MAP3K1: variants seen among roughly 807,000 people sequenced by gnomAD.
MAP3K1 encodes the protein MAP/ERK kinase kinase 1.
In MAP3K1, 36 loss-of-function variants were observed where a neutral mutation model predicts 144.2. That is an observed-to-expected ratio of 0.25 (90% CI 0.19 to 0.33). MAP3K1 has a LOEUF of 0.33. Ranked by LOEUF, MAP3K1 falls within the 10% of genes least tolerant of loss-of-function variation. The pLI, the probability that MAP3K1 is intolerant of heterozygous loss-of-function variation, is 1.00. For missense variants in MAP3K1, 1,650 were observed against 1,881.9 expected, an observed-to-expected ratio of 0.88 and a Z score of 2.28; for synonymous variants, 718 against 688.7, an observed-to-expected ratio of 1.04 and a Z score of -0.67.
chr5:56,822,610 G>A (rs1746186516), intron 1 of MAP3K1, among the ~76,000 whole-genome samples: 1 of 152,098 alleles, frequency 6.6e-6, no homozygotes, highest in African/African-American at 2.4e-5. Context: ...GATTCCCAGG[G>A]TGGTCCTAGG....
At chr5:56,819,968 C>T (rs1256975386) in intron 1 of MAP3K1, among the ~76,000 whole-genome samples, 1 of 151,940 alleles carries the variant, frequency 6.6e-6, no homozygotes, top group African/African-American at 2.4e-5. Context: ...TAATCAGGGC[C>T]GGAATTAGTA....
At chr5:56,819,675 T>A (rs73759210) in intron 1 of MAP3K1, among the ~76,000 whole-genome samples, 3,160 of 152,294 alleles carry the variant, frequency 0.021, 109 homozygotes, top group African/African-American at 0.073. Context: ...CAGAAGGCGA[T>A]GGGAAAATGT....
At chr5:56,864,378 C>CTTTT (rs11331657) in intron 3 of MAP3K1, among the ~76,000 whole-genome samples, 1 of 117,268 alleles carries the variant, frequency 8.5e-6, no homozygotes, top group Non-Finnish European at 1.8e-5. Context: ...ATAATAGTTT[C>CTTTT]TTTTTTTTTT....
chr5:56,875,120 G>A lies in MAP3K1; in HGVS notation c.1775G>A (p.Ser592Asn), dbSNP rs771294501. 8.1e-6 allele frequency: 13 copies of A among 1,614,100 alleles called. No individual in the cohort carries two copies. Among genetic ancestry groups the A allele is most frequent in the Middle Eastern group, 1.6e-4 (1 of 6,084 alleles). The stretch of plus-strand genomic sequence containing the variant: ...CTCAGGCGTCTTTCCCATGATGTCA[G>A]TGGGGCCCTGCTGTTGGCAAATGGG... Reference protein sequence around the residue: ...MALRRLSHDVSGALLLANGES... With the variant: ...MALRRLSHDVNGALLLANGES... Residue 592 changes from serine to asparagine, a missense_variant, in exon 10 of 20, where the codon AGT (serine) becomes AAT (asparagine). Around this residue, in one of 6 missense-constraint regions of MAP3K1, gnomAD observed 841 missense variants for 886.5 expected, o/e 0.95. Coordinates refer to ENST00000399503, the MANE Select transcript of MAP3K1 (RefSeq NM_005921.2).
intron 4 of MAP3K1, 51 bp downstream of exon 4, chr5:56,864,985 C>CTA: frequency 6.7e-7 from 1 of 1,491,828 alleles, no homozygotes; most frequent in Non-Finnish European, 9.3e-7. Context: ...TATGGTACTA[C>CTA]CTCAAATTTA....
rs568085565 is a variant in MAP3K1 at position 56,829,276 on chromosome 5, G to A, written c.482+13221G>A. Among the ~76,000 whole-genome samples, 4 of 151,518 alleles carry A rather than the reference G, an allele frequency of 2.6e-5. No individual in the cohort carries two copies. In the South Asian group the frequency reaches 6.3e-4, roughly 24 times the overall value. ...GACTCACTGCAGCGTCAACCTTAGCGGGCTCAGTGTATCCTTTCACTTCAG... is the reference window on the plus strand; with the variant it reads ...GACTCACTGCAGCGTCAACCTTAGCAGGCTCAGTGTATCCTTTCACTTCAG... On this transcript the variant is annotated intron_variant, in intron 1 of 19. Coordinates refer to ENST00000399503, the MANE Select transcript of MAP3K1 (RefSeq NM_005921.2).
At chr5:56,835,516 T>A (rs1746626165) in intron 1 of MAP3K1, among the ~76,000 whole-genome samples, 1 of 151,952 alleles carries the variant, frequency 6.6e-6, no homozygotes, top group Non-Finnish European at 1.5e-5. Flanking sequence ...GCAGTAGGGA[T>A]GCTGCTGGTT....
intron 19 of MAP3K1, among the ~76,000 whole-genome samples, chr5:56,892,976 T>A (rs7724841): frequency 0.21 from 31,579 of 150,320 alleles, 3,634 homozygotes; most frequent in East Asian, 0.33. Context: ...TCTTTTTTTT[T>A]AAAAAAAAAG....
At chr5:56,836,625 A>T (rs1746663225) in intron 1 of MAP3K1, among the ~76,000 whole-genome samples, 1 of 152,048 alleles carries the variant, frequency 6.6e-6, no homozygotes, top group Non-Finnish European at 1.5e-5. Flanking sequence ...ACATGAGGCT[A>T]GTTGTGTGGC....
chr5:56,850,496 TAATC>T (rs1192641638), intron 1 of MAP3K1, among the ~76,000 whole-genome samples: 1 of 152,238 alleles, frequency 6.6e-6, no homozygotes, highest in African/African-American at 2.4e-5. Flanking sequence ...TTATTATAAT[TAATC>T]AAATCGTCAC....
chr5:56,879,093 T>C lies in MAP3K1; in HGVS notation c.2079T>C (p.Asp693=). The change falls in exon 11 of 20, where the codon GAT becomes GAC. Residue 693 remains aspartate, a synonymous_variant. Coordinates refer to ENST00000399503, the MANE Select transcript of MAP3K1 (RefSeq NM_005921.2). The part of the protein sequence containing the change: ...VVDTILVKCA[D]ANSRTSQLSI... ...ACACCATCCTAGTCAAATGTGCAGATGCCAATAGGTAAGGCTTTATTGATG... is the reference window on the plus strand; with the variant it reads ...ACACCATCCTAGTCAAATGTGCAGACGCCAATAGGTAAGGCTTTATTGATG... 1 of 1,613,974 alleles carries C rather than the reference T, an allele frequency of 6.2e-7. No homozygotes were observed. Among genetic ancestry groups the C allele is most frequent in the East Asian group, 2.2e-5 (1 of 44,866 alleles).
chr5:56,829,526 A>G (rs866223), intron 1 of MAP3K1, among the ~76,000 whole-genome samples: 75,270 of 151,860 alleles, frequency 0.5, 21,143 homozygotes, highest in Non-Finnish European at 0.65. Flanking sequence ...GAAACTGTTC[A>G]TAATTCATTG....
At position 56,881,962 on chromosome 5, in the gene MAP3K1, G is replaced by C. The variant is rs1486203483; in HGVS notation, c.2762G>C (p.Ser921Thr). 2.5e-6 allele frequency: 4 copies of C among 1,613,922 alleles called. No homozygotes were observed. The Admixed American group carries it at 6.7e-5, about 27-fold the overall frequency. The change falls in exon 14 of 20, where the codon AGT (serine) becomes ACT (threonine). Residue 921 changes from serine to threonine, a missense_variant. Physicochemically the swap from Ser to Thr is moderately conservative, Grantham distance 58. Coordinates refer to ENST00000399503, the MANE Select transcript of MAP3K1 (RefSeq NM_005921.2). ...AAAGGATTATGTGCTACAAAATTGAGTGCCAGTTCAGAGGACATTTCTGAG... is the reference window on the plus strand; with the variant it reads ...AAAGGATTATGTGCTACAAAATTGACTGCCAGTTCAGAGGACATTTCTGAG... ...TGKGLCATKL[S>T]ASSEDISERL...
In MAP3K1 at chr5:56,875,275, G is replaced by C; in HGVS notation, c.1930G>C (p.Ala644Pro). ...CTGCAGCGTTCTGTCAATGGTCTGT[G>C]CTGACCCTGTCTACAAAGTGTACGT... ...ACCSVLSMVCADPVYKVYVAA... is the reference protein window; with the variant it reads ...ACCSVLSMVCPDPVYKVYVAA... Residue 644 changes from alanine (A) to proline (P), a missense_variant, in exon 10 of 20, where the codon GCT becomes CCT. Around this residue, in one of 6 missense-constraint regions of MAP3K1, gnomAD observed 841 missense variants for 886.5 expected, o/e 0.95. Transcript: ENST00000399503. 6.2e-7 allele frequency: 1 copy of C among 1,614,112 alleles called. No individual in the cohort carries two copies.
At chr5:56,823,126 A>G (rs187153641) in intron 1 of MAP3K1, among the ~76,000 whole-genome samples, 4 of 152,364 alleles carry the variant, frequency 2.6e-5, no homozygotes, top group African/African-American at 9.6e-5. Flanking sequence ...ATTTAATTTT[A>G]AGATGTTCAG....
chr5:56,864,511 A>G (rs1031535107), intron 3 of MAP3K1, among the ~76,000 whole-genome samples: 9 of 151,590 alleles, frequency 5.9e-5, no homozygotes, highest in Non-Finnish European at 1.0e-4. Context: ...AGTAGCTGGG[A>G]TTACAGGCAT....
intron 1 of MAP3K1, among the ~76,000 whole-genome samples, chr5:56,846,739 G>C (rs186602819): frequency 6.6e-6 from 1 of 152,132 alleles, no homozygotes; most frequent in Non-Finnish European, 1.5e-5. Context: ...GCAGTTTGAC[G>C]TTTTCTTGAC....
intron 1 of MAP3K1, among the ~76,000 whole-genome samples, chr5:56,822,958 C>T (rs1746198818): frequency 6.6e-6 from 1 of 152,132 alleles, no homozygotes. Flanking sequence ...TAGCCAGGTG[C>T]CCATTGTCTC....
At chr5:56,885,404 T>C (rs944546828) in intron 16 of MAP3K1, among the ~76,000 whole-genome samples, 1 of 152,178 alleles carries the variant, frequency 6.6e-6, no homozygotes, top group African/African-American at 2.4e-5. Flanking sequence ...AAGTATGTTA[T>C]CTGTTGGTTG....
Sources: allele counts gnomAD v4.1 joint callset (sites outside exome capture counted in the v4.1 genomes callset), GRCh38; gene constraint gnomAD v4.1.1; regional missense constraint gnomAD v4.1.1; transcripts MANE v1.5; gene names NCBI Gene and HGNC (gene_info 2026-07-23, HGNC 2026-07-21).